The following AGMO variants were observed in gnomAD, a reference collection of about 807,000 sequenced individuals.
AGMO encodes the protein glyceryl-ether monooxygenase.
Under a neutral mutation model 60.2 loss-of-function variants are expected in AGMO, and 75 were observed. That is an observed-to-expected ratio of 1.25 (90% CI 1.03 to 1.51). AGMO has a LOEUF of 1.51. Ranked by LOEUF, AGMO falls within the 40% of genes most tolerant of loss-of-function variation. The pLI is 0.00. For synonymous variants in AGMO, 261 were observed against 177.1 expected (o/e 1.47, Z -3.76); for missense variants, 763 against 525.5 (o/e 1.45, Z -4.42).
chr7:15,355,701 A>T (rs1782505317), intron 12 of AGMO, among the ~76,000 whole-genome samples: 1 of 152,126 alleles, frequency 6.6e-6, no homozygotes, highest in African/African-American at 2.4e-5. Context: ...TATCTGAATT[A>T]ATAATAATGG....
chr7:15,195,294 G>A, the AGMO span, among the ~76,000 whole-genome samples: 1 of 152,180 alleles, frequency 6.6e-6, no homozygotes. Flanking sequence ...AGGTTTAATA[G>A]GAGCAAGAAA....
At chr7:15,398,244 A>G (rs1784463375) in intron 5 of AGMO, among the ~76,000 whole-genome samples, 1 of 152,114 alleles carries the variant, frequency 6.6e-6, no homozygotes, top group East Asian at 1.9e-4. Flanking sequence ...GAGTGCATGC[A>G]GATGATTGGA....
intron 11 of AGMO, 71 bp from the exon 12 acceptor site, chr7:15,365,690 T>C (rs2128561437): frequency 2.9e-6 from 3 of 1,023,678 alleles, no homozygotes; most frequent in Non-Finnish European, 2.9e-6. Context: ...TTATAATTAA[T>C]ATAAACTTCT....
At chr7:15,323,242 G>A (rs1033375205) in intron 12 of AGMO, among the ~76,000 whole-genome samples, 2 of 152,024 alleles carry the variant, frequency 1.3e-5, no homozygotes, top group African/African-American at 4.8e-5. Context: ...ATCACCATGA[G>A]CAGTTACAAT....
chr7:15,497,806 A>G (rs1005666519), intron 3 of AGMO, among the ~76,000 whole-genome samples: 3 of 152,096 alleles, frequency 2.0e-5, no homozygotes, highest in Admixed American at 1.3e-4. Context: ...TTTTGGGTCC[A>G]TCTCTAAGAT....
At chr7:15,219,728 CTGA>C (rs1473165636) in intron 12 of AGMO, among the ~76,000 whole-genome samples, 3 of 152,006 alleles carry the variant, frequency 2.0e-5, no homozygotes, top group Non-Finnish European at 4.4e-5. Flanking sequence ...TCTCAGTAAG[CTGA>C]TGATGACAGT....
chr7:15,558,431 G>C (rs114045449), intron 2 of AGMO, among the ~76,000 whole-genome samples: 3,304 of 152,018 alleles, frequency 0.022, 117 homozygotes, highest in African/African-American at 0.074. Context: ...CTGAGAATGA[G>C]CTAAATTAAC....
chr7:15,542,186 T>G (rs1336456812), intron 3 of AGMO, among the ~76,000 whole-genome samples: 1 of 152,176 alleles, frequency 6.6e-6, no homozygotes, highest in East Asian at 1.9e-4. Context: ...TGTTGAAGGT[T>G]GATACATTTA....
intron 4 of AGMO, among the ~76,000 whole-genome samples, chr7:15,424,411 T>C (rs1562499917): frequency 6.6e-6 from 1 of 152,314 alleles, no homozygotes; most frequent in East Asian, 1.9e-4. Context: ...ATTTTAAATA[T>C]GTGGCAATAA....
the AGMO span, among the ~76,000 whole-genome samples, chr7:15,129,461 GA>G: frequency 6.6e-6 from 1 of 152,040 alleles, no homozygotes; most frequent in African/African-American, 2.4e-5. Context: ...TTTTTTGTGT[GA>G]AAAATAAGGA....
At chr7:15,312,469 A>C (rs1780795135) in intron 12 of AGMO, among the ~76,000 whole-genome samples, 1 of 150,204 alleles carries the variant, frequency 6.7e-6, no homozygotes, top group Non-Finnish European at 1.5e-5. Flanking sequence ...TCACAGGACA[A>C]TCAAATGTAT....
At chr7:15,271,229 A>T (rs543588651) in intron 12 of AGMO, among the ~76,000 whole-genome samples, 3 of 152,250 alleles carry the variant, frequency 2.0e-5, no homozygotes, top group Non-Finnish European at 4.4e-5. Flanking sequence ...ATTTGATAGA[A>T]ATTCATTAAA....
At chr7:15,145,024 T>C in the AGMO span, among the ~76,000 whole-genome samples, 1 of 152,162 alleles carries the variant, frequency 6.6e-6, no homozygotes. Context: ...GGGACGGGGT[T>C]TCACCGTGTT....
chr7:15,405,139 A>G (rs1784654001), intron 5 of AGMO, among the ~76,000 whole-genome samples: 1 of 151,792 alleles, frequency 6.6e-6, no homozygotes, highest in Non-Finnish European at 1.5e-5. Context: ...GGATTAAAAA[A>G]TCTATATTAT....
At chr7:15,386,978 T>G (rs1453819229) in intron 9 of AGMO, among the ~76,000 whole-genome samples, 5 of 152,348 alleles carry the variant, frequency 3.3e-5, no homozygotes, top group African/African-American at 1.2e-4. Flanking sequence ...TGTCTTAATG[T>G]GACTTTAGAT....
At chr7:15,166,890 G>A in the AGMO span, among the ~76,000 whole-genome samples, 2 of 152,100 alleles carry the variant, frequency 1.3e-5, no homozygotes, top group Non-Finnish European at 2.9e-5. Context: ...CAAGATTAGG[G>A]GTGTAAGTGG....
At chr7:15,364,653 G>C (rs1751028649) in intron 12 of AGMO, among the ~76,000 whole-genome samples, 1 of 151,892 alleles carries the variant, frequency 6.6e-6, no homozygotes, top group Admixed American at 6.6e-5. Context: ...TGAAATGCCG[G>C]GTTAACGGGT....
chr7:15,242,772 C>T (rs567274483), intron 12 of AGMO, among the ~76,000 whole-genome samples: 2 of 151,862 alleles, frequency 1.3e-5, no homozygotes, highest in African/African-American at 2.4e-5. Flanking sequence ...TCTTAATATA[C>T]AAAATATAAA....
At chr7:15,425,614 A>AT (rs970058707) in intron 4 of AGMO, among the ~76,000 whole-genome samples, 6 of 151,668 alleles carry the variant, frequency 4.0e-5, no homozygotes, top group Non-Finnish European at 8.8e-5. Context: ...AATTTATTTT[A>AT]TTTTTTGTAG....
Sources: gnomAD v4.1 joint callset for allele counts (sites outside exome capture counted in the v4.1 genomes callset) on GRCh38, gnomAD v4.1.1 for gene constraint, MANE v1.5 for transcripts, NCBI Gene and HGNC (gene_info 2026-07-23, HGNC 2026-07-21) for gene names.